Variants in FABP12 observed in about 807,000 individuals in gnomAD.
The protein encoded by FABP12 is fatty acid-binding protein 12.
Under a neutral mutation model 13.7 loss-of-function variants are expected in FABP12, and 19 were observed. The ratio of observed to expected loss-of-function variants is 1.39; its 90% CI spans 0.97 to 2.04. The LOEUF (loss-of-function observed/expected upper bound fraction) is 2.04. FABP12 is among the 30% of genes most tolerant of loss of function. The pLI is 0.00. For missense variants in FABP12, 182 were observed against 164.2 expected, an observed-to-expected ratio of 1.11 and a Z score of -0.59; for synonymous variants, 61 against 57.0, an observed-to-expected ratio of 1.07 and a Z score of -0.32.
intron 1 of FABP12, among the ~76,000 whole-genome samples, chr8:81,589,578 G>C (rs1459169311): frequency 1.3e-5 from 2 of 152,170 alleles, no homozygotes; most frequent in East Asian, 1.9e-4. Flanking sequence ...TGTTTAGGGA[G>C]AATAAGAAAG....
intron 2 of FABP12, 108 bp downstream of exon 2, chr8:81,531,135 G>T: frequency 2.7e-6 from 2 of 735,094 alleles, no homozygotes; most frequent in Non-Finnish European, 4.6e-6. Flanking sequence ...TTTTTCCTAT[G>T]TGAAAAATTA....
intron 1 of FABP12, among the ~76,000 whole-genome samples, chr8:81,586,712 T>A (rs982934469): frequency 6.6e-6 from 1 of 152,150 alleles, no homozygotes; most frequent in African/African-American, 2.4e-5. Flanking sequence ...GGTTGTTGAT[T>A]TGTTTGCAAA....
intron 1 of FABP12, among the ~76,000 whole-genome samples, chr8:81,578,588 C>T (rs1266808761): frequency 1.3e-5 from 2 of 150,912 alleles, no homozygotes; most frequent in Admixed American, 6.6e-5. Flanking sequence ...CAGGTTCAAG[C>T]GATTCTCCTG....
At chr8:81,541,920 A>T (rs1809353551) in intron 1 of FABP12, among the ~76,000 whole-genome samples, 1 of 139,770 alleles carries the variant, frequency 7.2e-6, no homozygotes. Context: ...TAAAAAAAAA[A>T]AAAAAAAAAA....
chr8:81,539,744 C>T lies in FABP12; in HGVS notation c.-184-1G>A, dbSNP rs550930147. Reference sequence around the variant, plus strand: ...CAAATCAAAATAATACACGGAATTCCTGGAGGGATGAATAAAGACAGCAAG... The same window carrying T: ...CAAATCAAAATAATACACGGAATTCTTGGAGGGATGAATAAAGACAGCAAG... On this transcript the variant is annotated splice_acceptor_variant, in intron 1 of 5. Transcript: ENST00000692030. LOFTEE classifies it low-confidence loss of function (5UTR_SPLICE). 6.6e-6 allele frequency among the ~76,000 whole-genome samples: 1 copy of T among 152,236 alleles called. No individual in the cohort carries two copies. The highest frequency in any genetic ancestry group is 2.4e-5 in the African/African-American group (1 of 41,536).
At chr8:81,569,027 A>T (rs1463751606) in intron 1 of FABP12, among the ~76,000 whole-genome samples, 1 of 152,146 alleles carries the variant, frequency 6.6e-6, no homozygotes, top group Non-Finnish European at 1.5e-5. Context: ...AATTAGATAG[A>T]ATGAATAAGA....
At chr8:81,560,057 T>C (rs1477700183) in intron 1 of FABP12, among the ~76,000 whole-genome samples, 1 of 152,232 alleles carries the variant, frequency 6.6e-6, no homozygotes, top group Non-Finnish European at 1.5e-5. Flanking sequence ...GAATTCATTT[T>C]GAGAAAAAAA....
intron 1 of FABP12, among the ~76,000 whole-genome samples, chr8:81,556,675 A>G (rs1159110424): frequency 2.0e-5 from 3 of 149,498 alleles, no homozygotes; most frequent in African/African-American, 2.4e-5. Context: ...TAATACAAAG[A>G]TCTTCTATAA....
intron 1 of FABP12, among the ~76,000 whole-genome samples, chr8:81,544,574 T>C (rs1228531619): frequency 6.6e-6 from 1 of 152,084 alleles, no homozygotes; most frequent in Non-Finnish European, 1.5e-5. Flanking sequence ...GAGTGATCAA[T>C]TGTGAGAACT....
chr8:81,537,178 G>A (rs536192482), upstream of FABP12, among the ~76,000 whole-genome samples: 17 of 152,292 alleles, frequency 1.1e-4, no homozygotes, highest in African/African-American at 3.8e-4. Flanking sequence ...AGTAACATGA[G>A]ATGGTTATCA....
At chr8:81,569,733 G>A (rs1809889843) in intron 1 of FABP12, among the ~76,000 whole-genome samples, 1 of 152,198 alleles carries the variant, frequency 6.6e-6, no homozygotes, top group Non-Finnish European at 1.5e-5. Context: ...ATTTACCCTT[G>A]TTGTTAAACA....
exon 2 of FABP12, among the ~76,000 whole-genome samples, chr8:81,539,627 G>C (rs4739818): frequency 6.6e-6 from 1 of 152,080 alleles, no homozygotes; most frequent in South Asian, 2.1e-4. Context: ...CTCTGTTTTA[G>C]AATTTCAGCA....
At chr8:81,527,272 C>T (rs745824048) in intron 3 of FABP12, among the ~76,000 whole-genome samples, 151 bp from the exon 4 acceptor site, 4 of 152,142 alleles carry the variant, frequency 2.6e-5, no homozygotes, top group Non-Finnish European at 4.4e-5. Context: ...ACTTTGTCAG[C>T]AGTAAAATTG....
rs911057872 is a variant in FABP12, at chr8:81,561,472, A to G, written c.-184-21729T>C. 3.9e-5 allele frequency among the ~76,000 whole-genome samples: 6 copies of G among 152,348 alleles called. No individual in the cohort carries two copies. The East Asian group carries it at 1.2e-3, about 29-fold the overall frequency. On this transcript the variant is annotated intron_variant, in intron 1 of 5. Coordinates refer to the FABP12 transcript ENST00000692030. ...ATTGTTCTCCCTGCAGAAACACTAA[A>G]TTGAACAACTATCCACACATAAATC...
intron 1 of FABP12, among the ~76,000 whole-genome samples, chr8:81,543,446 T>C (rs1215150801): frequency 6.6e-6 from 1 of 152,216 alleles, no homozygotes; most frequent in Non-Finnish European, 1.5e-5. Context: ...GGGCTCTGGT[T>C]CAAGTCAAAG....
chr8:81,546,732 C>T (rs569839702), intron 1 of FABP12, among the ~76,000 whole-genome samples: 1 of 152,280 alleles, frequency 6.6e-6, no homozygotes, highest in African/African-American at 2.4e-5. Flanking sequence ...GCCCCACATA[C>T]AGATTTTCCT....
upstream of FABP12, among the ~76,000 whole-genome samples, chr8:81,538,187 G>A (rs1427889228): frequency 2.0e-5 from 3 of 152,016 alleles, no homozygotes; most frequent in African/African-American, 7.3e-5. Context: ...ATTATTACGA[G>A]GGCAGCACCA....
intron 1 of FABP12, among the ~76,000 whole-genome samples, chr8:81,531,990 C>T (rs1413818975): frequency 1.3e-5 from 2 of 151,938 alleles, no homozygotes; most frequent in Non-Finnish European, 2.9e-5. Context: ...TGACACTTTT[C>T]CAGGTGCCAG....
chr8:81,569,324 G>A (rs752330692), intron 1 of FABP12, among the ~76,000 whole-genome samples: 4 of 152,030 alleles, frequency 2.6e-5, no homozygotes, highest in Admixed American at 6.6e-5. Flanking sequence ...AACCAAGATC[G>A]CCATCAAACC....
Sources: allele counts gnomAD v4.1 joint callset (sites outside exome capture counted in the v4.1 genomes callset), GRCh38; gene constraint gnomAD v4.1.1; transcripts MANE v1.5; gene names NCBI Gene and HGNC (gene_info 2026-07-23, HGNC 2026-07-21).